Variants in MIER1 observed in about 807,000 individuals in gnomAD.
The protein encoded by MIER1 is MIER1 transcriptional regulator, also known as mesoderm induction early response protein 1.
Under a neutral mutation model 75.7 loss-of-function variants are expected in MIER1, and 40 were observed. The observed-to-expected ratio is 0.53, with a 90% CI of 0.41 to 0.69. The LOEUF (loss-of-function observed/expected upper bound fraction) is 0.69, where lower values mean the gene tolerates loss of function less well. Ranked by LOEUF, MIER1 falls within the 30% of genes least tolerant of loss-of-function variation. The pLI is 0.00. For missense variants in MIER1, 574 were observed against 680.2 expected (o/e 0.84, Z 1.74); for synonymous variants, 213 against 223.4 (o/e 0.95, Z 0.42).
In MIER1 at chr1:66,985,383, TTGAG is replaced by T; in HGVS notation, c.*485_*488del. The T allele has an allele frequency of 1.0e-6, 1 of 984,322 alleles. No individual in the cohort carries two copies. The highest frequency in any genetic ancestry group is 1.2e-6 in the Non-Finnish European group (1 of 828,804). The allele number at this position is 984,322 out of a possible 1,614,324, so 61.0% of individuals were successfully genotyped here. A position where few individuals can be genotyped will look rare whatever the true frequency, so the allele number is the denominator to read the frequency against. ...ACAGACATTTTTCTCACCAAACAGT[TTGAG>T]TATCTTTATTAAGGAAACCCTTACG... On this transcript the variant is annotated 3_prime_UTR_variant, in exon 14 of 14. Transcript: ENST00000401041.
chr1:66,941,362 A>C (rs993000369), intron 3 of MIER1, among the ~76,000 whole-genome samples: 1 of 152,178 alleles, frequency 6.6e-6, no homozygotes, highest in Admixed American at 6.5e-5. Flanking sequence ...TAAGATTGGG[A>C]GTAATCTGGT....
chr1:66,952,594 C>G (rs186729599), intron 4 of MIER1, among the ~76,000 whole-genome samples: 50 of 152,262 alleles, frequency 3.3e-4, no homozygotes, highest in African/African-American at 1.2e-3. Context: ...CCCAGGGACT[C>G]AAGTGCCACC....
chr1:66,964,448 C>CTTTTT (rs71058483), intron 8 of MIER1, among the ~76,000 whole-genome samples: 2 of 119,800 alleles, frequency 1.7e-5, no homozygotes, highest in African/African-American at 6.4e-5. Context: ...TGTATGTTTC[C>CTTTTT]TTTTTTTTTT....
At chr1:66,936,461 G>A (rs1013754319) in intron 2 of MIER1, among the ~76,000 whole-genome samples, 1 of 151,846 alleles carries the variant, frequency 6.6e-6, no homozygotes, top group African/African-American at 2.4e-5. Context: ...TCGAACCCCT[G>A]ACCTAGGGTG....
chr1:66,986,263 C>G lies in MIER1; in HGVS notation c.*1363C>G. 7.2e-7 allele frequency: 1 copy of G among 1,395,138 alleles called. No individual in the cohort carries two copies. Among genetic ancestry groups the G allele is most frequent in the Non-Finnish European group, 9.3e-7 (1 of 1,078,814 alleles). 86.4% of individuals were successfully genotyped at this position (1,395,138 alleles called of 1,614,324 possible). On this transcript the variant is annotated 3_prime_UTR_variant, in exon 14 of 14. Coordinates refer to ENST00000401041, the MANE Select transcript of MIER1 (RefSeq NM_001077700.3). ...TCTGTGTGATTACAGATAGGATTAT[C>G]CATCTGCATAGCCTTGTAAAAGTGC...
At chr1:66,973,159 C>T (rs1397827518) in intron 11 of MIER1, among the ~76,000 whole-genome samples, 168 bp downstream of exon 11, 1 of 151,984 alleles carries the variant, frequency 6.6e-6, no homozygotes, top group Non-Finnish European at 1.5e-5. Flanking sequence ...ACTTCCTAAC[C>T]TATAATTACC....
rs958727247 is a variant in MIER1, at chr1:66,925,470, C to T, written c.67+375C>T. 53 of 985,350 alleles carry T rather than the reference C, an allele frequency of 5.4e-5. No homozygotes were observed. In the African/African-American group the frequency reaches 9.1e-4, roughly 17 times the overall value. 61.0% of individuals were successfully genotyped at this position (985,350 alleles called of 1,614,324 possible). ...CACCCTGCTGTGGCTCCGCCTCTTT[C>T]TCCTGTATTTCCCTCACTTGTGTCC... On this transcript the variant is annotated intron_variant, in intron 1 of 13. Transcript: ENST00000401041.
chr1:66,985,228 T>G lies in MIER1; in HGVS notation c.*328T>G, dbSNP rs1666627740. 1.4e-5 allele frequency: 14 copies of G among 966,984 alleles called. No homozygotes were observed. Among genetic ancestry groups the G allele is most frequent in the Non-Finnish European group, 1.7e-5 (14 of 811,376 alleles). The allele number at this position is 966,984 out of a possible 1,614,324, so 59.9% of individuals were successfully genotyped here. On this transcript the variant is annotated 3_prime_UTR_variant, in exon 14 of 14. Coordinates refer to ENST00000401041, the MANE Select transcript of MIER1 (RefSeq NM_001077700.3). Reference sequence around the variant, plus strand: ...GAACTAAAGATGTATCTGTACCTTCTCATTTGATGTATTAATCATAAAATT... The same window carrying G: ...GAACTAAAGATGTATCTGTACCTTCGCATTTGATGTATTAATCATAAAATT...
intron 4 of MIER1, among the ~76,000 whole-genome samples, chr1:66,953,854 T>G (rs1174652255): frequency 6.6e-6 from 1 of 152,086 alleles, no homozygotes; most frequent in African/African-American, 2.4e-5. Flanking sequence ...TCTGTCCCCC[T>G]CAGTCTCCCA....
intron 2 of MIER1, among the ~76,000 whole-genome samples, chr1:66,927,232 T>A (rs1300793215): frequency 6.6e-6 from 1 of 152,160 alleles, no homozygotes; most frequent in South Asian, 2.1e-4. Context: ...TAAAAATTAA[T>A]GTTACTTTGC....
chr1:66,935,298 A>G (rs908805502), intron 2 of MIER1, among the ~76,000 whole-genome samples: 5 of 152,238 alleles, frequency 3.3e-5, no homozygotes, highest in African/African-American at 1.2e-4. Flanking sequence ...AATTTTATCA[A>G]CTAAATCATA....
chr1:66,959,740 A>G lies in MIER1; in HGVS notation c.696A>G (p.Lys232=). ...DEDYIPSEDW[K]KEIMVGSMFQ... is the part of the protein sequence containing the mutation. ...ATTATATTCCATCAGAAGACTGGAAAAAGGTAGTTAGAACAATATTTTCCC... is the reference window on the plus strand; with the variant it reads ...ATTATATTCCATCAGAAGACTGGAAGAAGGTAGTTAGAACAATATTTTCCC... Residue 232 remains lysine, a synonymous_variant, in exon 7 of 14, where the codon AAA becomes AAG. Transcript: ENST00000401041. 7.2e-7 allele frequency: 1 copy of G among 1,398,504 alleles called. No homozygotes were observed. Among genetic ancestry groups the G allele is most frequent in the South Asian group, 1.5e-5 (1 of 65,556 alleles). The allele number at this position is 1,398,504 out of a possible 1,614,324, so 86.6% of individuals were successfully genotyped here.
intron 8 of MIER1, among the ~76,000 whole-genome samples, chr1:66,964,137 T>C (rs1250753840): frequency 6.6e-6 from 1 of 151,072 alleles, no homozygotes; most frequent in Non-Finnish European, 1.5e-5. Flanking sequence ...AATGGCATGA[T>C]CTCGGCTCAC....
chr1:66,930,500 G>T, intron 2 of MIER1: 1 of 1,222,268 alleles, frequency 8.2e-7, no homozygotes, highest in Non-Finnish European at 1.1e-6. Context: ...GCCCGGCCCT[G>T]CTGGCGCCGC....
chr1:66,982,254 G>A (rs1282864366), intron 13 of MIER1, among the ~76,000 whole-genome samples: 2 of 152,178 alleles, frequency 1.3e-5, no homozygotes, highest in African/African-American at 2.4e-5. Context: ...TCAAAACCCT[G>A]CAGTTTCACA....
intron 4 of MIER1, among the ~76,000 whole-genome samples, chr1:66,950,543 C>T (rs765310406): frequency 2.6e-5 from 4 of 152,052 alleles, no homozygotes; most frequent in Admixed American, 6.6e-5. Flanking sequence ...ATCAAGATTG[C>T]AATATATTTA....
rs1666643870 is a variant in MIER1 at position 66,985,348 on chromosome 1, T to C, written c.*448T>C. On this transcript the variant is annotated 3_prime_UTR_variant, in exon 14 of 14. Coordinates refer to ENST00000401041, the MANE Select transcript of MIER1 (RefSeq NM_001077700.3). ...ACCAATTTCTCTGAGTTTCTTGAAA[T>C]GTCTTTAAAACAGACATTTTTCTCA... The C allele has an allele frequency of 1.0e-6, 1 of 985,364 alleles. No individual in the cohort carries two copies. Among genetic ancestry groups the C allele is most frequent in the Non-Finnish European group, 1.2e-6 (1 of 829,868 alleles). 61.0% of individuals were successfully genotyped at this position (985,364 alleles called of 1,614,324 possible).
At chr1:66,944,760 C>G (rs888119086) in intron 3 of MIER1, among the ~76,000 whole-genome samples, 4 of 151,948 alleles carry the variant, frequency 2.6e-5, no homozygotes, top group African/African-American at 4.8e-5. Context: ...GGGCCTTGCT[C>G]TGTCTCCCAG....
chr1:66,974,852 A>G (rs1468622174), intron 11 of MIER1, among the ~76,000 whole-genome samples: 1 of 152,170 alleles, frequency 6.6e-6, no homozygotes, highest in Non-Finnish European at 1.5e-5. Context: ...CATAAGTTCT[A>G]TTTTGAGGGC....
Sources: gnomAD v4.1 joint callset for allele counts (sites outside exome capture counted in the v4.1 genomes callset) on GRCh38, gnomAD v4.1.1 for gene constraint, MANE v1.5 for transcripts, NCBI Gene and HGNC (gene_info 2026-07-23, HGNC 2026-07-21) for gene names.